The following LPIN2 variants were observed in gnomAD, a reference collection of about 807,000 sequenced individuals.
The protein encoded by LPIN2 is lipin 2.
Under a neutral mutation model 111.4 loss-of-function variants are expected in LPIN2, and 55 were observed. The observed-to-expected ratio is 0.49, with a 90% CI of 0.40 to 0.62. The LOEUF (loss-of-function observed/expected upper bound fraction) is 0.62, where lower values mean the gene tolerates loss of function less well. LPIN2 is among the 20% of genes least tolerant of loss of function. The pLI is 0.00. For missense variants in LPIN2, 992 were observed against 1,112.1 expected, an observed-to-expected ratio of 0.89 and a Z score of 1.54; for synonymous variants, 425 against 414.0, an observed-to-expected ratio of 1.03 and a Z score of -0.32.
Position 2,939,508 on chromosome 18 carries a change from G to C in LPIN2, c.794C>G (p.Thr265Arg). 6.2e-7 allele frequency: 1 copy of C among 1,613,848 alleles called. No homozygotes were observed. Among genetic ancestry groups the C allele is most frequent in the Non-Finnish European group, 8.5e-7 (1 of 1,179,840 alleles). ...LLRSESHMEW[T>R]WGGFPESTKV... ...GGTGGACTCTGGGAATCCGCCCCAC[G>C]TCCACTCCATGTGAGACTCTGATCT... Residue 265 changes from threonine to arginine, a missense_variant, in exon 6 of 20, where the codon ACG becomes AGG. Physicochemically the swap from Thr to Arg is moderately conservative, Grantham distance 71 (BLOSUM62 -1). This residue lies in a region of LPIN2 where 709 missense variants were observed against 753.2 expected (regional missense o/e 0.94). Transcript: ENST00000677752.
chr18:2,926,139 T>G (rs1454859135), intron 13 of LPIN2, among the ~76,000 whole-genome samples: 1 of 151,708 alleles, frequency 6.6e-6, no homozygotes, highest in African/African-American at 2.4e-5. Flanking sequence ...CAAAAACTAG[T>G]AAGAAAAATT....
intron 1 of LPIN2, among the ~76,000 whole-genome samples, chr18:3,005,057 A>C (rs2078491150): frequency 6.6e-6 from 1 of 152,260 alleles, no homozygotes; most frequent in South Asian, 2.1e-4. Flanking sequence ...ACATCTATAA[A>C]GAAAAGCTTC....
chr18:2,956,814 T>G (rs584853), intron 2 of LPIN2, among the ~76,000 whole-genome samples: 85,497 of 152,050 alleles, frequency 0.56, 24,598 homozygotes, highest in Non-Finnish European at 0.62. Context: ...ATGTGACTAC[T>G]TATCATCTTT....
At chr18:2,964,703 G>A (rs187357234) in intron 1 of LPIN2, among the ~76,000 whole-genome samples, 4 of 152,250 alleles carry the variant, frequency 2.6e-5, no homozygotes, top group East Asian at 1.9e-4. Flanking sequence ...CTTAAACATC[G>A]CATGCTATGC....
chr18:2,968,938 T>A lies in LPIN2; in HGVS notation c.-9-8089A>T, dbSNP rs1203511838. Among the ~76,000 whole-genome samples the A allele has an allele frequency of 5.3e-5, 8 of 152,266 alleles. No homozygotes were observed. In the East Asian group the frequency reaches 1.5e-3, roughly 29 times the overall value. ...AAATTCAGGCAAGAGACTGCACAGCTCTATGGTAGAAGAGACACACACAGG... is the reference window on the plus strand; with the variant it reads ...AAATTCAGGCAAGAGACTGCACAGCACTATGGTAGAAGAGACACACACAGG... On this transcript the variant is annotated intron_variant, in intron 1 of 19. Transcript: ENST00000677752.
intron 12 of LPIN2, among the ~76,000 whole-genome samples, chr18:2,927,383 C>T (rs1304336921): frequency 6.6e-6 from 1 of 152,218 alleles, no homozygotes; most frequent in Non-Finnish European, 1.5e-5. Flanking sequence ...CCTTCTGCTC[C>T]TATCTGATAG....
At chr18:2,974,111 T>C (rs559817248) in intron 1 of LPIN2, among the ~76,000 whole-genome samples, 125 of 152,378 alleles carry the variant, frequency 8.2e-4, no homozygotes, top group African/African-American at 2.8e-3. Context: ...TTTTGTTTTT[T>C]TGAGATGCAG....
chr18:2,925,307 C>T lies in LPIN2; in HGVS notation c.1855G>A (p.Val619Met). The T allele has an allele frequency of 1.9e-6, 3 of 1,614,148 alleles. No individual in the cohort carries two copies. The highest frequency in any genetic ancestry group is 1.7e-6 in the Non-Finnish European group (2 of 1,180,000). The change falls in exon 14 of 20, where the codon GTG becomes ATG. Residue 619 changes from valine to methionine, a missense_variant. By Grantham distance (21) the Val-to-Met change is conservative (BLOSUM62 1). Transcript: ENST00000677752. This position sits in a 1 kb window ranked among gnomAD's most constrained non-coding sequence, Gnocchi z 4.1. ...GSQELEESIT[V>M]DPIPTEPLSH... The stretch of plus-strand genomic sequence containing the variant: ...AGGGGCTCTGTGGGGATGGGGTCCA[C>T]TGTGATGGATTCTTCGAGCTCCTGT...
chr18:2,938,217 A>G (rs574379358), intron 6 of LPIN2, among the ~76,000 whole-genome samples, 180 bp from the exon 7 acceptor site: 2 of 152,284 alleles, frequency 1.3e-5, no homozygotes, highest in Middle Eastern at 3.4e-3. Flanking sequence ...CTTTTGTTCA[A>G]TATCATGATA....
intron 3 of LPIN2, among the ~76,000 whole-genome samples, chr18:2,953,035 G>T (rs1490181448): frequency 6.6e-6 from 1 of 152,204 alleles, no homozygotes; most frequent in Non-Finnish European, 1.5e-5. Flanking sequence ...ACAGAGGCAT[G>T]TTGTATTCAT....
At chr18:2,934,537 A>T in intron 7 of LPIN2, 87 bp from the exon 8 acceptor site, 1 of 848,588 alleles carries the variant, frequency 1.2e-6, no homozygotes, top group Non-Finnish European at 2.0e-6. Flanking sequence ...AAACAGTAAG[A>T]GTGACAAGCA....
chr18:2,987,522 T>C (rs2078204055), intron 1 of LPIN2, among the ~76,000 whole-genome samples: 1 of 152,190 alleles, frequency 6.6e-6, no homozygotes, highest in Admixed American at 6.5e-5. Flanking sequence ...TTTTTCCACG[T>C]GGACATTTCA....
chr18:3,009,332 G>A (rs2078565436), intron 1 of LPIN2, among the ~76,000 whole-genome samples: 2 of 151,700 alleles, frequency 1.3e-5, no homozygotes, highest in South Asian at 4.2e-4. Context: ...CTGGGAGGCG[G>A]AGGTTGCAGT....
chr18:2,951,004 A>T, intron 4 of LPIN2, 51 bp downstream of exon 4: 2 of 1,605,804 alleles, frequency 1.2e-6, no homozygotes, highest in Non-Finnish European at 8.5e-7. Flanking sequence ...TCCTGGCTTC[A>T]CATGAACTCT....
intron 5 of LPIN2, 32 bp from the exon 6 acceptor site, chr18:2,939,635 G>C: frequency 1.2e-6 from 2 of 1,608,820 alleles, no homozygotes; most frequent in Non-Finnish European, 1.7e-6. Flanking sequence ...ACGATGACTT[G>C]AAAGTCGGGA....
intron 4 of LPIN2, 104 bp from the exon 5 acceptor site, chr18:2,940,816 G>T: frequency 1.4e-6 from 1 of 725,106 alleles, no homozygotes; most frequent in Non-Finnish European, 2.5e-6. Context: ...ATGAAGAGGG[G>T]CAAATGATTA....
intron 1 of LPIN2, among the ~76,000 whole-genome samples, chr18:3,002,830 TC>T (rs1461596477): frequency 1.3e-5 from 2 of 152,210 alleles, no homozygotes. Context: ...CAAGCAGTAC[TC>T]CCTTCTAAGT....
rs1444211434 is a variant in LPIN2 at position 2,917,064 on chromosome 18, T to G, written c.*3229A>C. On this transcript the variant is annotated 3_prime_UTR_variant, in exon 20 of 20. Transcript: ENST00000677752. ...AACATCAAACACTGCACCAAAATATTAGCCATTCATCTTGCAACAATTGCT... is the reference window on the plus strand; with the variant it reads ...AACATCAAACACTGCACCAAAATATGAGCCATTCATCTTGCAACAATTGCT... 2 of 152,254 alleles carry G rather than the reference T, an allele frequency of 1.3e-5. No homozygotes were observed. The highest frequency in any genetic ancestry group is 6.5e-5 in the Admixed American group (1 of 15,288). 9.4% of individuals were successfully genotyped at this position (152,254 alleles called of 1,614,324 possible). A position where few individuals can be genotyped will look rare whatever the true frequency, so the allele number is the denominator to read the frequency against.
chr18:2,987,106 G>C (rs527384172), intron 1 of LPIN2, among the ~76,000 whole-genome samples: 1 of 152,226 alleles, frequency 6.6e-6, no homozygotes, highest in African/African-American at 2.4e-5. Context: ...TTCTGTTCTG[G>C]GGTTATATCA....
Sources: allele counts gnomAD v4.1 joint callset (sites outside exome capture counted in the v4.1 genomes callset), GRCh38; gene constraint gnomAD v4.1.1; regional missense constraint gnomAD v4.1.1; non-coding constraint Gnocchi (gnomAD v3.1); transcripts MANE v1.5; gene names NCBI Gene and HGNC (gene_info 2026-07-23, HGNC 2026-07-21).